Variants in MAMDC2 observed in about 807,000 individuals in gnomAD.
The protein encoded by MAMDC2 is MAM domain containing 2.
MAMDC2 carries 57 observed loss-of-function variants against 89.8 expected under a neutral mutation model. The observed-to-expected ratio is 0.63, with a 90% CI of 0.51 to 0.79. The LOEUF is 0.79. Ranked by LOEUF, MAMDC2 falls within the 30% of genes least tolerant of loss-of-function variation. The pLI, the probability that MAMDC2 is intolerant of heterozygous loss-of-function variation, is 0.00. For missense variants in MAMDC2, 800 were observed against 820.6 expected (o/e 0.97, Z 0.31); for synonymous variants, 313 against 293.4 (o/e 1.07, Z -0.68).
In MAMDC2 at chr9:70,126,287, G is replaced by GC; in HGVS notation, c.772_773insC (p.Asp258AlafsTer47). 1 of 1,614,196 alleles carries GC rather than the reference G, an allele frequency of 6.2e-7. No homozygotes were observed. Among genetic ancestry groups the GC allele is most frequent in the Non-Finnish European group, 8.5e-7 (1 of 1,180,038 alleles). Reference sequence around the variant, plus strand: ...TTATTACCAGATCCAGCAGGGGAATGACAATGTCTTTTCCCTTTACACTCG... The same window carrying GC: ...TTATTACCAGATCCAGCAGGGGAATGCACAATGTCTTTTCCCTTTACACTCG... On this transcript the variant is annotated frameshift_variant, in exon 6 of 14. Transcript: ENST00000377182. LOFTEE classifies it high-confidence loss of function.
At chr9:70,179,352 A>AC (rs1563988907) in intron 11 of MAMDC2, among the ~76,000 whole-genome samples, 2 of 147,636 alleles carry the variant, frequency 1.4e-5, no homozygotes, top group Admixed American at 6.8e-5. Context: ...CTCTACTAAA[A>AC]ACACACACAC....
chr9:70,185,557 C>T (rs1045034383), intron 11 of MAMDC2, among the ~76,000 whole-genome samples: 1 of 152,194 alleles, frequency 6.6e-6, no homozygotes, highest in Non-Finnish European at 1.5e-5. Context: ...CTATAAGCTG[C>T]TGCCTTTCTT....
chr9:70,044,922 C>A (rs1383548850), intron 2 of MAMDC2, among the ~76,000 whole-genome samples: 5 of 152,242 alleles, frequency 3.3e-5, no homozygotes, highest in Non-Finnish European at 5.9e-5. Context: ...TGGGTAGAAG[C>A]TTAAAATTTG....
Position 70,143,742 on chromosome 9 carries a change from A to G in MAMDC2, c.1327A>G (p.Ile443Val). The G allele has an allele frequency of 6.2e-7, 1 of 1,614,186 alleles. No homozygotes were observed. The highest frequency in any genetic ancestry group is 1.1e-5 in the South Asian group (1 of 91,086). The change falls in exon 9 of 14, where the codon ATC becomes GTC. Residue 443 changes from isoleucine (I) to valine (V), a missense_variant. Transcript: ENST00000377182. ...FEENHVVQEKIWSVLESPRGV... is the reference protein window; with the variant it reads ...FEENHVVQEKVWSVLESPRGV... ...AGAGAACCATGTGGTTCAAGAGAAG[A>G]TCTGGTCTGTGTTGGAGTCCCCAAG...
rs1827329128 is a variant in MAMDC2 at position 70,068,749 on chromosome 9, A to ACAAACATC, written c.148+24052_148+24053insCAAACATC. Among the ~76,000 whole-genome samples the ACAAACATC allele has an allele frequency of 4.0e-5, 6 of 150,700 alleles. No homozygotes were observed. The East Asian group carries it at 1.2e-3, about 29-fold the overall frequency. On this transcript the variant is annotated intron_variant, in intron 2 of 13. Transcript: ENST00000377182. The stretch of plus-strand genomic sequence containing the variant: ...ACAAAAAAAAAAAAAAAAAAAGGCA[A>ACAAACATC]TAGGGAACAGGAAACAAACATCTAA...
intron 9 of MAMDC2, among the ~76,000 whole-genome samples, chr9:70,149,109 G>A (rs567101905): frequency 8.6e-4 from 129 of 149,788 alleles, no homozygotes; most frequent in African/African-American, 2.9e-3. Context: ...TACTCTGGAG[G>A]CTGAGGCAGG....
intron 2 of MAMDC2, among the ~76,000 whole-genome samples, chr9:70,058,435 T>C (rs1194178280): frequency 1.3e-5 from 2 of 152,206 alleles, no homozygotes; most frequent in Non-Finnish European, 2.9e-5. Flanking sequence ...GAAATAATAA[T>C]AGTTATAAAA....
chr9:70,168,350 G>A (rs1268125835), intron 9 of MAMDC2, among the ~76,000 whole-genome samples: 2 of 152,076 alleles, frequency 1.3e-5, no homozygotes, highest in Admixed American at 1.3e-4. Context: ...AAATTATCTG[G>A]GCATGGTGAC....
intron 2 of MAMDC2, among the ~76,000 whole-genome samples, chr9:70,099,131 A>G (rs994171745): frequency 4.6e-5 from 7 of 152,292 alleles, no homozygotes; most frequent in African/African-American, 1.7e-4. Context: ...TTTCTTACAT[A>G]GTTTCAGATC....
At chr9:70,131,074 A>G (rs2030786072) in intron 6 of MAMDC2, among the ~76,000 whole-genome samples, 1 of 152,206 alleles carries the variant, frequency 6.6e-6, no homozygotes, top group Non-Finnish European at 1.5e-5. Flanking sequence ...CCTAGATCAA[A>G]GTATTGGCAG....
chr9:70,063,586 A>G (rs1827198215), intron 2 of MAMDC2, among the ~76,000 whole-genome samples: 1 of 152,210 alleles, frequency 6.6e-6, no homozygotes, highest in African/African-American at 2.4e-5. Flanking sequence ...ATTTAGATAG[A>G]CATCTTTTGA....
chr9:70,112,956 A>C, intron 4 of MAMDC2, 39 bp from the exon 5 acceptor site: 1 of 1,613,128 alleles, frequency 6.2e-7, no homozygotes, highest in Non-Finnish European at 8.5e-7. Flanking sequence ...CCCAGGTGTG[A>C]CTGTGTCTCC....
chr9:70,184,692 G>T (rs1405827701), intron 11 of MAMDC2, among the ~76,000 whole-genome samples: 4 of 151,636 alleles, frequency 2.6e-5, no homozygotes, highest in Non-Finnish European at 5.9e-5. Context: ...ACTTGTGTAT[G>T]CTTCACAGAG....
At chr9:70,087,966 T>A (rs1030908785) in intron 2 of MAMDC2, among the ~76,000 whole-genome samples, 6 of 152,192 alleles carry the variant, frequency 3.9e-5, no homozygotes, top group South Asian at 4.1e-4. Flanking sequence ...TTGATTTTTT[T>A]AAAAGGCATA....
chr9:70,144,099 G>A (rs773846657), intron 9 of MAMDC2, among the ~76,000 whole-genome samples: 1 of 152,168 alleles, frequency 6.6e-6, no homozygotes, highest in Non-Finnish European at 1.5e-5. Flanking sequence ...AATTGTCCAA[G>A]TTCAACAGCT....
chr9:70,138,447 G>A (rs1186812284), intron 7 of MAMDC2, among the ~76,000 whole-genome samples: 1 of 152,132 alleles, frequency 6.6e-6, no homozygotes, highest in Non-Finnish European at 1.5e-5. Context: ...TGGATCAAAT[G>A]GCAGTTCTAT....
intron 12 of MAMDC2, among the ~76,000 whole-genome samples, chr9:70,220,202 C>T (rs2033530896): frequency 6.6e-6 from 1 of 152,190 alleles, no homozygotes; most frequent in Non-Finnish European, 1.5e-5. Flanking sequence ...GGACAGGTAA[C>T]TTATCAGCAT....
intron 11 of MAMDC2, among the ~76,000 whole-genome samples, chr9:70,211,359 A>G (rs957052726): frequency 6.6e-6 from 1 of 151,862 alleles, no homozygotes; most frequent in Non-Finnish European, 1.5e-5. Flanking sequence ...GTCTCTTCTC[A>G]CTTCATTTCA....
chr9:70,103,637 T>C (rs1828254824), intron 2 of MAMDC2, among the ~76,000 whole-genome samples: 1 of 151,594 alleles, frequency 6.6e-6, no homozygotes, highest in African/African-American at 2.4e-5. Flanking sequence ...AATAGAAAAT[T>C]AAACTTCATC....
Sources: allele counts gnomAD v4.1 joint callset (sites outside exome capture counted in the v4.1 genomes callset), GRCh38; gene constraint gnomAD v4.1.1; transcripts MANE v1.5; gene names NCBI Gene and HGNC (gene_info 2026-07-23, HGNC 2026-07-21).